The following MAF variants were observed in gnomAD, a reference collection of about 807,000 sequenced individuals.
MAF encodes the protein MAF bZIP transcription factor.
In MAF, 10 loss-of-function variants were observed where a neutral mutation model predicts 22.0. That is an observed-to-expected ratio of 0.45 (90% confidence interval 0.28 to 0.77). The LOEUF (loss-of-function observed/expected upper bound fraction) is 0.77. Among genes scored for constraint, MAF ranks in the 30% least tolerant of loss-of-function variants. The pLI, the probability that MAF is intolerant of heterozygous loss-of-function variation, is 0.12. For synonymous variants in MAF, 337 were observed against 255.8 expected, an observed-to-expected ratio of 1.32 and a Z score of -3.03; for missense variants, 544 against 548.4, an observed-to-expected ratio of 0.99 and a Z score of 0.08.
At chr16:79,498,393 G>C in the MAF span, among the ~76,000 whole-genome samples, 51 of 152,308 alleles carry the variant, frequency 3.3e-4, no homozygotes, top group Middle Eastern at 3.4e-3. Flanking sequence ...ATCTGTATGT[G>C]TGATGAAGGA....
the MAF span, among the ~76,000 whole-genome samples, chr16:79,416,135 C>G: frequency 1.5e-4 from 23 of 152,250 alleles, no homozygotes; most frequent in African/African-American, 5.1e-4. Context: ...AAGCTGCCAC[C>G]CGCGGCACAG....
In MAF at chr16:79,594,321, T is replaced by C; in HGVS notation, c.*139A>G. On this transcript the variant is annotated 3_prime_UTR_variant, in exon 2 of 2. Transcript: ENST00000326043. The stretch of plus-strand genomic sequence containing the variant: ...ACAAGAGGCATAGTTAACTACTACA[T>C]TTAATAGCCTTCTTCTCTAACACAG... 1.2e-6 allele frequency: 1 copy of C among 822,924 alleles called. No homozygotes were observed. Among genetic ancestry groups the C allele is most frequent in the South Asian group, 1.5e-5 (1 of 66,520 alleles). 51.0% of individuals were successfully genotyped at this position (822,924 alleles called of 1,614,324 possible). A position where few individuals can be genotyped will look rare whatever the true frequency, so the allele number is the denominator to read the frequency against.
the MAF span, among the ~76,000 whole-genome samples, chr16:79,458,386 G>A: frequency 1.3e-4 from 20 of 152,220 alleles, no homozygotes; most frequent in South Asian, 1.7e-3. Context: ...CTTTGCCAAC[G>A]TCAGAAACCA....
At chr16:79,560,408 C>G in the MAF span, among the ~76,000 whole-genome samples, 1 of 148,380 alleles carries the variant, frequency 6.7e-6, no homozygotes, top group African/African-American at 2.5e-5. Flanking sequence ...TACGAACGAA[C>G]AAAAAGCAAG....
At chr16:79,355,260 T>A in the MAF span, among the ~76,000 whole-genome samples, 1 of 152,202 alleles carries the variant, frequency 6.6e-6, no homozygotes, top group African/African-American at 2.4e-5. Context: ...AATAGAGTCT[T>A]ATCTATGGCT....
At chr16:79,485,865 A>G in the MAF span, among the ~76,000 whole-genome samples, 1 of 152,180 alleles carries the variant, frequency 6.6e-6, no homozygotes, top group Non-Finnish European at 1.5e-5. Flanking sequence ...CATATGAATG[A>G]ATTAGCAAAT....
the MAF span, among the ~76,000 whole-genome samples, chr16:79,315,298 G>C: frequency 6.6e-6 from 1 of 152,240 alleles, no homozygotes; most frequent in African/African-American, 2.4e-5. Flanking sequence ...AAGCCAGTTA[G>C]GGGACTATGA....
chr16:79,219,228 T>C, the MAF span, among the ~76,000 whole-genome samples: 1 of 152,216 alleles, frequency 6.6e-6, no homozygotes, highest in Non-Finnish European at 1.5e-5. Context: ...TTATCTGATG[T>C]TCACCAAGAG....
At chr16:79,413,793 C>T in the MAF span, among the ~76,000 whole-genome samples, 1 of 152,136 alleles carries the variant, frequency 6.6e-6, no homozygotes, top group Non-Finnish European at 1.5e-5. Flanking sequence ...AAGAGGCAAC[C>T]CCTACTCTGC....
the MAF span, among the ~76,000 whole-genome samples, chr16:79,480,328 T>TTC: frequency 6.7e-6 from 1 of 148,474 alleles, no homozygotes; most frequent in African/African-American, 2.5e-5. Flanking sequence ...GAAATACAAT[T>TTC]TTTTTTTTCA....
the MAF span, among the ~76,000 whole-genome samples, chr16:79,328,944 A>G: frequency 4.6e-5 from 7 of 152,062 alleles, no homozygotes; most frequent in Non-Finnish European, 1.0e-4. Flanking sequence ...CTGGTACATC[A>G]TTGCATCTGT....
chr16:79,208,874 T>C, the MAF span, among the ~76,000 whole-genome samples: 1 of 152,152 alleles, frequency 6.6e-6, no homozygotes, highest in South Asian at 2.1e-4. Context: ...GTGGTGTGTA[T>C]GGGACCAACA....
At chr16:79,462,355 T>A in the MAF span, among the ~76,000 whole-genome samples, 1 of 152,176 alleles carries the variant, frequency 6.6e-6, no homozygotes, top group African/African-American at 2.4e-5. Flanking sequence ...CAATTGGTAG[T>A]AGACAAGATT....
downstream of MAF, among the ~76,000 whole-genome samples, chr16:79,590,946 G>A (rs145080873): frequency 3.0e-4 from 46 of 152,194 alleles, no homozygotes; most frequent in African/African-American, 1.0e-3. Context: ...CTCAAGAAGT[G>A]GATGAGGTCA....
the MAF span, among the ~76,000 whole-genome samples, chr16:79,257,806 G>A: frequency 6.6e-6 from 1 of 152,274 alleles, no homozygotes; most frequent in Non-Finnish European, 1.5e-5. Flanking sequence ...AGAAAATGTT[G>A]CTGTTAGTGA....
the MAF span, among the ~76,000 whole-genome samples, chr16:79,523,911 A>G: frequency 2.6e-5 from 4 of 152,186 alleles, no homozygotes; most frequent in African/African-American, 9.6e-5. Context: ...TGCAAAGTTT[A>G]TTGTGGCTTA....
the MAF span, among the ~76,000 whole-genome samples, chr16:79,410,372 G>C: frequency 6.6e-6 from 1 of 152,316 alleles, no homozygotes. Context: ...AAGTTAAATA[G>C]CCACATGCCA....
At chr16:79,579,342 G>C in the MAF span, among the ~76,000 whole-genome samples, 4 of 152,166 alleles carry the variant, frequency 2.6e-5, no homozygotes, top group African/African-American at 4.8e-5. Flanking sequence ...GCTTTTTCAA[G>C]ACCAGCTTTA....
the MAF span, among the ~76,000 whole-genome samples, chr16:79,295,194 G>C: frequency 1.3e-5 from 2 of 152,178 alleles, no homozygotes; most frequent in African/African-American, 2.4e-5. Context: ...CACACTCCTT[G>C]CTGCGTTTTC....
Sources: gnomAD v4.1 joint callset for allele counts (sites outside exome capture counted in the v4.1 genomes callset) on GRCh38, gnomAD v4.1.1 for gene constraint, MANE v1.5 for transcripts, NCBI Gene and HGNC (gene_info 2026-07-23, HGNC 2026-07-21) for gene names.